Variants in VEPH1 observed in about 807,000 individuals in gnomAD.
VEPH1 encodes the protein ventricular zone expressed PH domain containing 1, also known as ventricular zone-expressed PH domain-containing protein homolog 1.
Under a neutral mutation model 85.2 loss-of-function variants are expected in VEPH1, and 80 were observed. That is an observed-to-expected ratio of 0.94 (90% CI 0.78 to 1.13). The LOEUF is 1.13. VEPH1 is among the 50% of genes most tolerant of loss of function. The pLI is 0.00. For missense variants in VEPH1, 955 were observed against 980.5 expected (o/e 0.97, Z 0.35); for synonymous variants, 297 against 348.0 (o/e 0.85, Z 1.63).
intron 3 of VEPH1, among the ~76,000 whole-genome samples, chr3:157,460,580 G>A (rs182822064): frequency 1.6e-4 from 24 of 152,270 alleles, no homozygotes; most frequent in African/African-American, 4.8e-4. Context: ...GATGACAGCC[G>A]AGATGGGCAA....
rs550900091 is a variant in VEPH1 at position 157,337,652 on chromosome 3, A to T, written c.1736-20451T>A. Among the ~76,000 whole-genome samples the T allele has an allele frequency of 7.1e-4, 108 of 152,294 alleles. No individual in the cohort carries two copies. The Middle Eastern group carries it at 0.014, about 19-fold the overall frequency. On this transcript the variant is annotated intron_variant, in intron 9 of 13. Coordinates refer to ENST00000362010, the MANE Select transcript of VEPH1 (RefSeq NM_001167912.2). ...TTTACAGGGAACATTATACTTTTAT[A>T]ATCGGGGAAAAATACCTTCACTAGA... is the stretch of plus-strand genomic sequence containing the variant.
rs115836982 is a variant in VEPH1 at position 157,413,996 on chromosome 3, T to A, written c.791A>T (p.Tyr264Phe). 1 of 1,613,612 alleles carries A rather than the reference T, an allele frequency of 6.2e-7. No homozygotes were observed. Among genetic ancestry groups the A allele is most frequent in the African/African-American group, 1.3e-5 (1 of 75,006 alleles). ...ILNILIEIAV[Y>F]EPVALNSFLP... The stretch of plus-strand genomic sequence containing the variant: ...AAAACTGTTCAAAGCCACTGGCTCA[T>A]AGACTGCTATCTCTATGAGGATGTT... The change falls in exon 6 of 14, where the codon TAT becomes TTT. Residue 264 changes from tyrosine to phenylalanine, a missense_variant. Coordinates refer to ENST00000362010, the MANE Select transcript of VEPH1 (RefSeq NM_001167912.2).
intron 9 of VEPH1, among the ~76,000 whole-genome samples, chr3:157,348,320 G>T (rs1457456809): frequency 6.6e-6 from 1 of 152,126 alleles, no homozygotes; most frequent in African/African-American, 2.4e-5. Flanking sequence ...GATATTGAGG[G>T]ACCTCCACAC....
At chr3:157,381,762 C>A (rs1728808663) in intron 6 of VEPH1, 1 of 194,144 alleles carries the variant, frequency 5.2e-6, no homozygotes, top group Admixed American at 5.3e-5. Context: ...ATCAGAGTCC[C>A]ATGAGCAGCA....
Position 157,381,262 on chromosome 3 carries a change from T to C in VEPH1, c.1021A>G (p.Ile341Val), listed in dbSNP as rs1299127496. 2.5e-6 allele frequency: 4 copies of C among 1,613,910 alleles called. No homozygotes were observed. The highest frequency in any genetic ancestry group is 1.3e-5 in the African/African-American group (1 of 74,882). ...ATGTCTCTGCTCTGAGGGCCCAAGA[T>C]TGAGGAGAAGGTGTCGGTGATGCTT... The part of the protein sequence containing the change: ...IKSITDTFSS[I>V]LGPQSRDIFR... Residue 341 changes from isoleucine to valine, a missense_variant, in exon 7 of 14, where the codon ATC becomes GTC. Coordinates refer to ENST00000362010, the MANE Select transcript of VEPH1 (RefSeq NM_001167912.2).
chr3:157,457,484 T>C (rs1735480069), intron 4 of VEPH1, among the ~76,000 whole-genome samples: 2 of 152,210 alleles, frequency 1.3e-5, no homozygotes, highest in Admixed American at 1.3e-4. Context: ...TGTTTCCAGC[T>C]TTTGCCCATT....
intron 13 of VEPH1, among the ~76,000 whole-genome samples, chr3:157,262,294 T>A (rs1363314243): frequency 1.3e-5 from 2 of 152,174 alleles, no homozygotes; most frequent in East Asian, 3.8e-4. Flanking sequence ...ATGAGATACA[T>A]TTTCAATAAT....
intron 12 of VEPH1, among the ~76,000 whole-genome samples, chr3:157,267,516 A>G (rs1713896051): frequency 6.6e-6 from 1 of 151,696 alleles, no homozygotes; most frequent in Admixed American, 6.6e-5. Flanking sequence ...CAGGCGCAGC[A>G]GCTCATGCCT....
intron 2 of VEPH1, 26 bp from the exon 3 acceptor site, chr3:157,470,555 T>A: frequency 6.2e-7 from 1 of 1,602,580 alleles, no homozygotes; most frequent in Non-Finnish European, 8.5e-7. Context: ...ATCTTCATGT[T>A]AAATAATACT....
At chr3:157,278,145 A>T (rs1160292673) in intron 12 of VEPH1, among the ~76,000 whole-genome samples, 1 of 152,190 alleles carries the variant, frequency 6.6e-6, no homozygotes, top group Non-Finnish European at 1.5e-5. Context: ...TAAAAGAACA[A>T]GACAGCAGCT....
intron 11 of VEPH1, among the ~76,000 whole-genome samples, chr3:157,300,672 A>G (rs1272280199): frequency 6.6e-6 from 1 of 152,250 alleles, no homozygotes; most frequent in Non-Finnish European, 1.5e-5. Flanking sequence ...GTAAAAAACA[A>G]CAGACAAGTG....
At chr3:157,454,883 G>A (rs1261745372) in intron 4 of VEPH1, among the ~76,000 whole-genome samples, 1 of 152,068 alleles carries the variant, frequency 6.6e-6, no homozygotes, top group East Asian at 1.9e-4. Flanking sequence ...TAGGATAATG[G>A]CCTCTAGCTG....
intron 7 of VEPH1, among the ~76,000 whole-genome samples, chr3:157,371,821 G>A (rs944755868): frequency 1.1e-4 from 16 of 152,052 alleles, no homozygotes; most frequent in African/African-American, 3.6e-4. Flanking sequence ...GTACATTTTC[G>A]GGTTTTGCTG....
chr3:157,486,679 A>G (rs1336968260), intron 2 of VEPH1, among the ~76,000 whole-genome samples: 1 of 152,146 alleles, frequency 6.6e-6, no homozygotes, highest in Non-Finnish European at 1.5e-5. Flanking sequence ...AATTTACTTA[A>G]ATAAATATAT....
intron 9 of VEPH1, among the ~76,000 whole-genome samples, chr3:157,350,878 C>T (rs987730099): frequency 2.0e-5 from 3 of 152,120 alleles, no homozygotes; most frequent in Non-Finnish European, 2.9e-5. Context: ...ATAACAAATG[C>T]TGGTGAGGAT....
chr3:157,468,815 T>C (rs1736637477), intron 3 of VEPH1, among the ~76,000 whole-genome samples: 1 of 152,194 alleles, frequency 6.6e-6, no homozygotes. Flanking sequence ...CTTTGCAATT[T>C]TTAAGTGTAC....
At chr3:157,424,945 TG>T (rs1282075210) in intron 5 of VEPH1, among the ~76,000 whole-genome samples, 1 of 152,124 alleles carries the variant, frequency 6.6e-6, no homozygotes, top group Non-Finnish European at 1.5e-5. Flanking sequence ...CCCAAGACAA[TG>T]GGGAAAATGT....
At chr3:157,438,042 C>T in intron 4 of VEPH1, 1 of 663,612 alleles carries the variant, frequency 1.5e-6, no homozygotes, top group Non-Finnish European at 2.4e-6. Context: ...CGCGCGCACA[C>T]ACACACACAC....
At chr3:157,341,331 T>A (rs903093542) in intron 9 of VEPH1, among the ~76,000 whole-genome samples, 1 of 152,184 alleles carries the variant, frequency 6.6e-6, no homozygotes, top group Non-Finnish European at 1.5e-5. Context: ...AGTCCTTAAA[T>A]GACTTGATGG....
Sources: allele counts gnomAD v4.1 joint callset (sites outside exome capture counted in the v4.1 genomes callset), GRCh38; gene constraint gnomAD v4.1.1; transcripts MANE v1.5; gene names NCBI Gene and HGNC (gene_info 2026-07-23, HGNC 2026-07-21).